Variants in YWHAZ observed in about 807,000 individuals in gnomAD.
YWHAZ encodes the protein tyrosine 3-monooxygenase/tryptophan 5-monooxygenase activation protein zeta, also known as 14-3-3 protein zeta/delta.
For synonymous variants in YWHAZ, 87 were observed against 103.6 expected (o/e 0.84, Z 0.97); for missense variants, 79 against 284.8 (o/e 0.28, Z 5.20).
rs548905173 is a variant in YWHAZ at position 100,930,244 on chromosome 8, A to C, written c.295-5205T>G. The stretch of plus-strand genomic sequence containing the variant: ...CTCCCGAGTAGCCGGGACTGCAGGC[A>C]CATGCCATCACACCCAGCTAATTTT... On this transcript the variant is annotated intron_variant, in intron 2 of 5. Coordinates refer to ENST00000395958, the MANE Select transcript of YWHAZ (RefSeq NM_145690.3). Among the ~76,000 whole-genome samples, 7 of 152,342 alleles carry C rather than the reference A, an allele frequency of 4.6e-5. No individual in the cohort carries two copies. In the South Asian group the frequency reaches 1.4e-3, roughly 32 times the overall value.
At position 100,934,065 on chromosome 8, in the gene YWHAZ, AGGAGACTCACTTGAACCCTGGAGGCG is replaced by A. The variant is rs555324212; in HGVS notation, c.295-9052_295-9027del. 2.2e-4 allele frequency among the ~76,000 whole-genome samples: 33 copies of A among 147,478 alleles called. No homozygotes were observed. The South Asian group carries it at 7.3e-3, about 33-fold the overall frequency. On this transcript the variant is annotated intron_variant, in intron 2 of 5. Coordinates refer to ENST00000395958, the MANE Select transcript of YWHAZ (RefSeq NM_145690.3). ...CCCAGCTACTTGGCAGGCTTGAGGCAGGAGACTCACTTGAACCCTGGAGGCGGAGGTTGCAGTGAGCTGAGATCGTG... is the reference window on the plus strand; with the variant it reads ...CCCAGCTACTTGGCAGGCTTGAGGCAGAGGTTGCAGTGAGCTGAGATCGTG...
chr8:100,951,684 G>C lies in YWHAZ; in HGVS notation c.-12+245C>G, dbSNP rs369606990. 114 of 985,384 alleles carry C rather than the reference G, an allele frequency of 1.2e-4. 1 individual carries two copies. In the East Asian group the frequency reaches 0.012, roughly 100 times the overall value. The allele number at this position is 985,384 out of a possible 1,614,324, so 61.0% of individuals were successfully genotyped here. On this transcript the variant is annotated intron_variant, in intron 1 of 5. Coordinates refer to ENST00000395958, the MANE Select transcript of YWHAZ (RefSeq NM_145690.3). The stretch of plus-strand genomic sequence containing the variant: ...CCACCCCCGGGGGCAGGACGGGGGA[G>C]CGAGCACCGATCGGCGCCGGGGCGT...
chr8:100,924,819 T>C lies in YWHAZ; in HGVS notation c.418+97A>G, dbSNP rs1018434058. The C allele has an allele frequency of 2.6e-6, 4 of 1,515,942 alleles. No homozygotes were observed. The highest frequency in any genetic ancestry group is 3.6e-6 in the Non-Finnish European group (4 of 1,114,790). The allele number at this position is 1,515,942 out of a possible 1,614,324, so 93.9% of individuals were successfully genotyped here. A position where few individuals can be genotyped will look rare whatever the true frequency, so the allele number is the denominator to read the frequency against. On this transcript the variant is annotated intron_variant, in intron 3 of 5. Transcript: ENST00000395958. The surrounding 1 kb of genome is among the most constrained non-coding windows in gnomAD (Gnocchi z 5.7). ...CACTGCTACTCCTTATTCGGCACTC[T>C]AAGCAATTCAAAACAAGACATTATG...
In YWHAZ at chr8:100,925,122, T is replaced by C. The variant is rs1813270210; in HGVS notation, c.295-83A>G. 3.5e-5 allele frequency: 49 copies of C among 1,405,024 alleles called. 1 individual carries two copies. The South Asian group carries it at 6.4e-4, about 18-fold the overall frequency. The allele number at this position is 1,405,024 out of a possible 1,614,324, so 87.0% of individuals were successfully genotyped here. A position where few individuals can be genotyped will look rare whatever the true frequency, so the allele number is the denominator to read the frequency against. On this transcript the variant is annotated intron_variant, in intron 2 of 5. Coordinates refer to ENST00000395958, the MANE Select transcript of YWHAZ (RefSeq NM_145690.3). Reference sequence around the variant, plus strand: ...CTTGCATTTCTTAAAGAACAAACTATAGCCTAAGTTATAAAACTTAAACAC... The same window carrying C: ...CTTGCATTTCTTAAAGAACAAACTACAGCCTAAGTTATAAAACTTAAACAC...
At chr8:100,947,024 A>G (rs1367438615) in intron 2 of YWHAZ, among the ~76,000 whole-genome samples, 1 of 151,004 alleles carries the variant, frequency 6.6e-6, no homozygotes, top group African/African-American at 2.4e-5. Context: ...GAGGCTGAGG[A>G]GGGCGGATCA....
chr8:100,938,632 A>T (rs1461928191), intron 2 of YWHAZ, among the ~76,000 whole-genome samples: 1 of 152,172 alleles, frequency 6.6e-6, no homozygotes, highest in Admixed American at 6.5e-5. Context: ...TATAATTTTT[A>T]TTCTGTAGAG....
chr8:100,924,276 T>C lies in YWHAZ; in HGVS notation c.441A>G (p.Gln147=), dbSNP rs1242603702. 3 of 1,613,406 alleles carry C rather than the reference T, an allele frequency of 1.9e-6. No homozygotes were observed. The highest frequency in any genetic ancestry group is 2.2e-5 in the East Asian group (1 of 44,874). The change falls in exon 4 of 6, where the codon CAA becomes CAG. Residue 147 remains glutamine, a synonymous_variant. Coordinates refer to ENST00000395958, the MANE Select transcript of YWHAZ (RefSeq NM_145690.3). This position sits in a 1 kb window ranked among gnomAD's most constrained non-coding sequence, Gnocchi z 5.7. Reference sequence around the variant, plus strand: ...TGATTTCAAAAGCTTCTTGGTATGCTTGTTGTGACTGATCGACAATCCCTG... The same window carrying C: ...TGATTTCAAAAGCTTCTTGGTATGCCTGTTGTGACTGATCGACAATCCCTG... ...DKKGIVDQSQ[Q]AYQEAFEISK... is the part of the protein sequence containing the mutation.
chr8:100,939,636 G>A, intron 2 of YWHAZ, among the ~76,000 whole-genome samples: 1 of 151,882 alleles, frequency 6.6e-6, no homozygotes. Flanking sequence ...TCCAGCCTGG[G>A]CAACAAGAGT....
chr8:100,951,596 TC>T, intron 1 of YWHAZ: 1 of 984,348 alleles, frequency 1.0e-6, no homozygotes, highest in Non-Finnish European at 1.2e-6. Flanking sequence ...CGGCCATGCC[TC>T]GTCCACCTTC....
intron 2 of YWHAZ, among the ~76,000 whole-genome samples, chr8:100,932,884 T>G (rs997250205): frequency 2.0e-5 from 3 of 152,204 alleles, no homozygotes; most frequent in Admixed American, 2.0e-4. Context: ...AAGTCTTTTT[T>G]CTTTTTAAAA....
At chr8:100,939,970 C>T (rs142150149) in intron 2 of YWHAZ, among the ~76,000 whole-genome samples, 116 of 151,004 alleles carry the variant, frequency 7.7e-4, no homozygotes, top group African/African-American at 2.7e-3. Context: ...TTGCAGTGAG[C>T]CGAGATCGCG....
At chr8:100,950,514 A>C in intron 1 of YWHAZ, 1 of 985,554 alleles carries the variant, frequency 1.0e-6, no homozygotes, top group Non-Finnish European at 1.2e-6. Context: ...GCTCCGCCCA[A>C]GTCGGAGCCA....
intron 1 of YWHAZ, chr8:100,950,276 T>C (rs1810611896): frequency 2.7e-6 from 2 of 729,914 alleles, no homozygotes; most frequent in African/African-American, 1.9e-5. Context: ...TTTAAGCCAG[T>C]ACAAAGGATT....
upstream of YWHAZ, chr8:100,952,730 G>A (rs1398751591): frequency 1.0e-6 from 1 of 959,886 alleles, no homozygotes; most frequent in Non-Finnish European, 1.3e-6. Flanking sequence ...GCGGTCGCAC[G>A]GCAAGGGAGG....
At chr8:100,950,667 GGA>G (rs1491232764) in intron 1 of YWHAZ, 3 of 888,028 alleles carry the variant, frequency 3.4e-6, no homozygotes, top group South Asian at 5.2e-5. Context: ...TGGGGGGGGG[GGA>G]GAGATGGGGA....
intron 2 of YWHAZ, among the ~76,000 whole-genome samples, chr8:100,929,267 T>C (rs1813595002): frequency 1.3e-5 from 2 of 151,424 alleles, no homozygotes; most frequent in East Asian, 1.9e-4. Flanking sequence ...TGGCGCAATG[T>C]CGGCTCACTG....
intron 2 of YWHAZ, chr8:100,947,947 G>A (rs1222964906): frequency 1.7e-6 from 1 of 579,532 alleles, no homozygotes. Flanking sequence ...CCAAAATGTA[G>A]TTTAATTCTT....
chr8:100,942,911 G>A (rs768633466), intron 2 of YWHAZ, among the ~76,000 whole-genome samples: 44 of 152,284 alleles, frequency 2.9e-4, no homozygotes, highest in Middle Eastern at 3.4e-3. Flanking sequence ...TTTAGCTTTT[G>A]TCCATTAAAA....
chr8:100,917,289 CT>C lies in YWHAZ; in HGVS notation c.*3403del, dbSNP rs1434658301. 1.3e-5 allele frequency: 2 copies of C among 152,254 alleles called. No homozygotes were observed. The highest frequency in any genetic ancestry group is 2.9e-5 in the Non-Finnish European group (2 of 68,068). 9.4% of individuals were successfully genotyped at this position (152,254 alleles called of 1,614,324 possible). On this transcript the variant is annotated 3_prime_UTR_variant, in exon 6 of 6. Coordinates refer to ENST00000395958, the MANE Select transcript of YWHAZ (RefSeq NM_145690.3). ...TTCTTTCTCTTTCTCCCCCCACCCC[CT>C]ATAACAGCATGAAGTAACAGCTGTT...
Sources: gnomAD v4.1 joint callset for allele counts (sites outside exome capture counted in the v4.1 genomes callset) on GRCh38, gnomAD v4.1.1 for gene constraint, Gnocchi (gnomAD v3.1) non-coding constraint, MANE v1.5 for transcripts, NCBI Gene and HGNC (gene_info 2026-07-23, HGNC 2026-07-21) for gene names.